Variants in KIF24 observed in about 807,000 individuals in gnomAD.
KIF24 encodes kinesin family member 24.
In KIF24, 81 loss-of-function variants were observed where a neutral mutation model predicts 118.9. That is an observed-to-expected ratio of 0.68 (90% CI 0.57 to 0.82). The LOEUF is 0.82. Among genes scored for constraint, KIF24 ranks in the 40% least tolerant of loss-of-function variants. The pLI is 0.00. For synonymous variants in KIF24, 599 were observed against 610.0 expected (o/e 0.98, Z 0.27); for missense variants, 1,560 against 1,661.6 (o/e 0.94, Z 1.06).
chr9:34,309,786 A>C (rs1837067864), intron 2 of KIF24, among the ~76,000 whole-genome samples: 1 of 152,098 alleles, frequency 6.6e-6, no homozygotes, highest in South Asian at 2.1e-4. Flanking sequence ...TGAGTCTTCT[A>C]TTTTTATGGA....
chr9:34,308,172 T>G lies in KIF24; in HGVS notation c.624-1731A>C, dbSNP rs192961725. Among the ~76,000 whole-genome samples the G allele has an allele frequency of 3.7e-4, 56 of 152,342 alleles. 1 individual carries two copies. In the East Asian group the frequency reaches 6.0e-3, roughly 16 times the overall value. On this transcript the variant is annotated intron_variant, in intron 2 of 12. Transcript: ENST00000402558. ...TTGTAGAAACAGGGTCTCACCATGTTGCCCAGGCTGGCCTCGAACTCCTGG... is the reference window on the plus strand; with the variant it reads ...TTGTAGAAACAGGGTCTCACCATGTGGCCCAGGCTGGCCTCGAACTCCTGG...
chr9:34,328,675 T>C (rs1441934127), intron 1 of KIF24, among the ~76,000 whole-genome samples: 2 of 151,724 alleles, frequency 1.3e-5, no homozygotes, highest in Non-Finnish European at 2.9e-5. Flanking sequence ...TTCCTGAAAA[T>C]CTACTATGTG....
At chr9:34,286,335 A>AAAC (rs765066878) in intron 6 of KIF24, among the ~76,000 whole-genome samples, 44 of 152,166 alleles carry the variant, frequency 2.9e-4, no homozygotes, top group Admixed American at 1.2e-3. Flanking sequence ...CTCCATCTCA[A>AAAC]AACAACAACA....
rs113438257 is a variant in KIF24, at chr9:34,254,605, G to A, written c.3967-85C>T. On this transcript the variant is annotated intron_variant, in intron 12 of 12. Transcript: ENST00000402558. ...GCTTTTTCAGTCCCTCCTCTGGCAG[G>A]AAAGTTTCAGAACCCAGGCCACTCT... 9 of 1,394,914 alleles carry A rather than the reference G, an allele frequency of 6.5e-6. No individual in the cohort carries two copies. The African/African-American group carries it at 8.5e-5, about 13-fold the overall frequency. 86.4% of individuals were successfully genotyped at this position (1,394,914 alleles called of 1,614,324 possible).
At chr9:34,283,262 C>G (rs1445603973) in intron 6 of KIF24, among the ~76,000 whole-genome samples, 1 of 151,424 alleles carries the variant, frequency 6.6e-6, no homozygotes, top group Non-Finnish European at 1.5e-5. Context: ...CCCAGCTACT[C>G]AGGAGACTGA....
chr9:34,261,240 C>T (rs577817209), intron 9 of KIF24, among the ~76,000 whole-genome samples: 1 of 152,328 alleles, frequency 6.6e-6, no homozygotes, highest in Admixed American at 6.5e-5. Context: ...TTCTCCTAGA[C>T]ATCTCTCTAC....
At position 34,329,164 on chromosome 9, in the gene KIF24, G is replaced by T. The variant is rs1587983419; in HGVS notation, c.-84C>A. On this transcript the variant is annotated 5_prime_UTR_variant, in exon 1 of 13. Transcript: ENST00000402558. The stretch of plus-strand genomic sequence containing the variant: ...GAAGAGGAGAAGACAATGCCGTCGG[G>T]AGTGAGCCCCAAAGCCCGCAACCTA... 6.6e-6 allele frequency among the ~76,000 whole-genome samples: 1 copy of T among 152,340 alleles called. No individual in the cohort carries two copies. Among genetic ancestry groups the T allele is most frequent in the Non-Finnish European group, 1.5e-5 (1 of 68,030 alleles).
Position 34,311,165 on chromosome 9 carries a change from A to C in KIF24, c.182T>G (p.Ile61Ser). Residue 61 changes from isoleucine (I) to serine (S), a missense_variant, in exon 2 of 13, where the codon ATT becomes AGT. Physicochemically the swap from Ile to Ser is moderately radical, Grantham distance 142. Transcript: ENST00000402558. ...RKRLFQLIKI[I>S]KIMQEEDKAV... ...TTTATCTTCTTCTTGCATAATCTTAATAATTTTGATAAGTTGGAAGAGACG... is the reference window on the plus strand; with the variant it reads ...TTTATCTTCTTCTTGCATAATCTTACTAATTTTGATAAGTTGGAAGAGACG... 1 of 1,613,464 alleles carries C rather than the reference A, an allele frequency of 6.2e-7. No individual in the cohort carries two copies. The highest frequency in any genetic ancestry group is 8.5e-7 in the Non-Finnish European group (1 of 1,179,534).
chr9:34,290,463 A>C lies in KIF24; in HGVS notation c.912-74T>G, dbSNP rs570176952. 7.7e-5 allele frequency: 71 copies of C among 919,028 alleles called. No individual in the cohort carries two copies. The East Asian group carries it at 1.8e-3, about 23-fold the overall frequency. The allele number at this position is 919,028 out of a possible 1,614,324, so 56.9% of individuals were successfully genotyped here. A position where few individuals can be genotyped will look rare whatever the true frequency, so the allele number is the denominator to read the frequency against. On this transcript the variant is annotated intron_variant, in intron 4 of 12. Coordinates refer to ENST00000402558, the MANE Select transcript of KIF24 (RefSeq NM_194313.4). The stretch of plus-strand genomic sequence containing the variant: ...AGTTTACCCATAGATTTTTAATGAC[A>C]AAGGTCAAATGTAAACATAGAATCT...
upstream of KIF24, among the ~76,000 whole-genome samples, chr9:34,329,849 G>C (rs1321861955): frequency 7.1e-6 from 1 of 141,328 alleles, no homozygotes; most frequent in African/African-American, 2.7e-5. Flanking sequence ...TCGGAGTGGG[G>C]ATAGGGTGGG....
intron 8 of KIF24, among the ~76,000 whole-genome samples, chr9:34,265,900 G>C (rs1835267775): frequency 6.6e-6 from 1 of 151,902 alleles, no homozygotes; most frequent in South Asian, 2.1e-4. Context: ...AGACGAGACA[G>C]TTTATTTTTT....
At chr9:34,272,059 G>C (rs771369271) in intron 6 of KIF24, 129 bp from the exon 7 acceptor site, 4 of 698,482 alleles carry the variant, frequency 5.7e-6, no homozygotes, top group Non-Finnish European at 9.0e-6. Context: ...TTTCTGTCCA[G>C]GTGGAAAACT....
chr9:34,298,058 C>T (rs548845802), intron 3 of KIF24, among the ~76,000 whole-genome samples: 1 of 152,054 alleles, frequency 6.6e-6, no homozygotes, highest in Middle Eastern at 3.4e-3. Context: ...AAAGACTATA[C>T]TGAGAATGGA....
chr9:34,327,782 CTAT>C (rs1032739122), intron 1 of KIF24, among the ~76,000 whole-genome samples: 22 of 151,442 alleles, frequency 1.5e-4, no homozygotes, highest in Admixed American at 3.3e-4. Context: ...CTGCGGTGAG[CTAT>C]TATCATGCTA....
intron 9 of KIF24, among the ~76,000 whole-genome samples, chr9:34,262,680 A>ATG (rs1835130153): frequency 4.4e-4 from 8 of 18,372 alleles, no homozygotes; most frequent in Non-Finnish European, 6.4e-4. Flanking sequence ...AAAAAAATAT[A>ATG]TATATATATA....
intron 3 of KIF24, among the ~76,000 whole-genome samples, chr9:34,300,850 C>CA (rs57919845): frequency 5.8e-4 from 61 of 105,608 alleles, no homozygotes; most frequent in African/African-American, 1.5e-3. Context: ...CGGCATTTCT[C>CA]AAAAAAAAAA....
chr9:34,259,436 G>A (rs1380945211), intron 10 of KIF24, among the ~76,000 whole-genome samples, 160 bp downstream of exon 10: 1 of 152,206 alleles, frequency 6.6e-6, no homozygotes, highest in Non-Finnish European at 1.5e-5. Context: ...CAAGAACAAG[G>A]CTGTGGCGCT....
At chr9:34,306,512 G>T in intron 2 of KIF24, 71 bp from the exon 3 acceptor site, 1 of 1,104,676 alleles carries the variant, frequency 9.1e-7, no homozygotes, top group Non-Finnish European at 1.3e-6. Context: ...CAAAGTATTG[G>T]TACCTTTTAG....
intron 1 of KIF24, among the ~76,000 whole-genome samples, chr9:34,328,390 G>T (rs1396510567): frequency 6.6e-6 from 1 of 152,184 alleles, no homozygotes; most frequent in African/African-American, 2.4e-5. Context: ...AAGACTAAAA[G>T]GAGTCTAATA....
Sources: allele counts gnomAD v4.1 joint callset (sites outside exome capture counted in the v4.1 genomes callset), GRCh38; gene constraint gnomAD v4.1.1; transcripts MANE v1.5; gene names NCBI Gene and HGNC (gene_info 2026-07-23, HGNC 2026-07-21).